The following MADD variants were observed in gnomAD, a reference collection of about 807,000 sequenced individuals.
MADD encodes the protein MAP kinase activating death domain, also known as MAP kinase-activating death domain protein.
Under a neutral mutation model 176.7 loss-of-function variants are expected in MADD, and 109 were observed. That is an observed-to-expected ratio of 0.62 (90% confidence interval 0.53 to 0.72). The LOEUF (loss-of-function observed/expected upper bound fraction) is 0.72, where lower values mean the gene tolerates loss of function less well. Among genes scored for constraint, MADD ranks in the 30% least tolerant of loss-of-function variants. The pLI is 0.00. For synonymous variants in MADD, 771 were observed against 771.3 expected (o/e 1.00, Z 0.01); for missense variants, 1,914 against 2,045.5 (o/e 0.94, Z 1.24).
chr11:47,328,197 T>G (rs2142582905), intron 31 of MADD: 1 of 1,066,098 alleles, frequency 9.4e-7, no homozygotes, highest in East Asian at 7.6e-5. Context: ...GGAACTGTGT[T>G]TAACATGACC....
chr11:47,284,627 G>A, intron 12 of MADD, 62 bp downstream of exon 12: 2 of 1,560,560 alleles, frequency 1.3e-6, no homozygotes, highest in South Asian at 2.3e-5. Context: ...CATCTATTAG[G>A]AAAGCCAGGC....
At chr11:47,291,922 C>T (rs944696340) in intron 19 of MADD, among the ~76,000 whole-genome samples, 3 of 152,188 alleles carry the variant, frequency 2.0e-5, no homozygotes, top group Non-Finnish European at 4.4e-5. Flanking sequence ...TTTATGTTCT[C>T]TGTCACCTCA....
At chr11:47,273,788 C>A in intron 1 of MADD, 39 bp from the exon 2 acceptor site, 2 of 746,576 alleles carry the variant, frequency 2.7e-6, no homozygotes, top group Non-Finnish European at 2.3e-6. Context: ...GTCCCTTAGG[C>A]ACAGCAGTGG....
chr11:47,302,722 TTTAA>T (rs896361206), intron 22 of MADD, among the ~76,000 whole-genome samples: 93 of 152,286 alleles, frequency 6.1e-4, no homozygotes, highest in African/African-American at 1.9e-3. Context: ...GTCTACCCCT[TTTAA>T]GTGAGGGAAT....
chr11:47,274,940 C>G (rs2048335615), exon 3 of MADD: 1 of 1,613,920 alleles, frequency 6.2e-7, no homozygotes, highest in Non-Finnish European at 8.5e-7. Context: ...CCTCTCAGTG[C>G]TGACTCTACC....
intron 9 of MADD, 94 bp from the exon 10 acceptor site, chr11:47,282,719 G>T (rs945442888): frequency 4.4e-6 from 7 of 1,589,986 alleles, no homozygotes; most frequent in Non-Finnish European, 6.0e-6. Context: ...TTCTATCCTG[G>T]CTCTGCTTTA....
chr11:47,323,337 G>A (rs1409395398), intron 27 of MADD, among the ~76,000 whole-genome samples: 1 of 151,584 alleles, frequency 6.6e-6, no homozygotes, highest in African/African-American at 2.4e-5. Context: ...GGTCGAGGCT[G>A]CAGTGAGCTG....
intron 19 of MADD, 137 bp from the exon 22 acceptor site, chr11:47,293,746 A>T: frequency 3.3e-6 from 2 of 614,972 alleles, no homozygotes; most frequent in Non-Finnish European, 5.9e-6. Context: ...GTGGGTCCTG[A>T]GTGGGGGGTA....
At chr11:47,276,954 C>T (rs977488847) in intron 5 of MADD, 91 bp downstream of exon 5, 3 of 1,434,238 alleles carry the variant, frequency 2.1e-6, no homozygotes, top group Non-Finnish European at 9.6e-7. Context: ...GAGTGCTGGT[C>T]CTCAATCCTT....
intron 31 of MADD, 170 bp from the exon 36 acceptor site, chr11:47,328,488 C>G: frequency 6.7e-7 from 1 of 1,484,330 alleles, no homozygotes; most frequent in Admixed American, 2.2e-5. Flanking sequence ...AGAGTCTGGA[C>G]AGAGCCTCTG....
exon 26 of MADD, chr11:47,311,781 C>G: frequency 6.2e-7 from 1 of 1,614,002 alleles, no homozygotes; most frequent in Non-Finnish European, 8.5e-7. Context: ...ATGGGAAAGT[C>G]GCACATTGGG....
intron 27 of MADD, among the ~76,000 whole-genome samples, chr11:47,316,859 T>G (rs1451404603): frequency 6.6e-6 from 1 of 152,070 alleles, no homozygotes; most frequent in Non-Finnish European, 1.5e-5. Context: ...TTCTCCTGCC[T>G]CAGCTGCCTG....
At position 47,275,084 on chromosome 11, in the gene MADD, C is replaced by A. The variant is rs750444984; in HGVS notation, c.584C>A (p.Thr195Asn). Residue 195 changes from threonine to asparagine, a missense_variant, in exon 3 of 33, where the codon ACT becomes AAT. This residue lies in a region of MADD where 1,767 missense variants were observed against 1,836.0 expected (regional missense o/e 0.96). Coordinates refer to ENST00000402192, the Ensembl canonical transcript of MADD. ...TCCACCTTCCGAGAGTGTTTGTATACTCTCAAGCGCCTGGTGGACTGCTGT... is the reference window on the plus strand; with the variant it reads ...TCCACCTTCCGAGAGTGTTTGTATAATCTCAAGCGCCTGGTGGACTGCTGT... 5.6e-6 allele frequency: 9 copies of A among 1,614,136 alleles called. No homozygotes were observed. Among genetic ancestry groups the A allele is most frequent in the Admixed American group, 5.0e-5 (3 of 60,012 alleles).
chr11:47,276,669 G>A, intron 4 of MADD, 63 bp from the exon 5 acceptor site: 1 of 1,581,894 alleles, frequency 6.3e-7, no homozygotes, highest in Non-Finnish European at 8.6e-7. Flanking sequence ...AATGTTGGAA[G>A]CTGTTTTCTT....
At chr11:47,329,405 G>A (rs1036500727) in exon 33 of MADD, 1 of 521,376 alleles carries the variant, frequency 1.9e-6, no homozygotes, top group South Asian at 2.3e-5. Flanking sequence ...CAGTCTGTGG[G>A]GCCGGTGTGA....
In MADD at chr11:47,281,994, C is replaced by T. The variant is rs189942646; in HGVS notation, c.1469+241C>T. Among the ~76,000 whole-genome samples the T allele has an allele frequency of 9.2e-3, 1,396 of 152,008 alleles. 22 individuals carry two copies. The highest frequency in any genetic ancestry group is 0.032 in the African/African-American group (1,318 of 41,420). The stretch of plus-strand genomic sequence containing the variant: ...GGATTACAGGCGCCTGCCACCACGC[C>T]TGGCTAATTTTTACATTTTTAGTAG... On this transcript the variant is annotated intron_variant, in intron 8 of 32. Transcript: ENST00000402192.
At chr11:47,297,789 C>CTTTTT (rs35063043) in intron 22 of MADD, among the ~76,000 whole-genome samples, 12 of 113,386 alleles carry the variant, frequency 1.1e-4, no homozygotes, top group African/African-American at 3.4e-4. Flanking sequence ...TTCTTTCTTT[C>CTTTTT]TTTTTTTTTT....
intron 31 of MADD, chr11:47,327,208 G>T: frequency 1.0e-6 from 1 of 1,004,256 alleles, no homozygotes. Flanking sequence ...CAGCCTCCCT[G>T]GCGCCGCTCT....
chr11:47,316,931 A>G (rs1332418304), intron 27 of MADD, among the ~76,000 whole-genome samples: 1 of 151,934 alleles, frequency 6.6e-6, no homozygotes, highest in Non-Finnish European at 1.5e-5. Context: ...TTTAGTAGAG[A>G]CGGGGCTTCA....
Sources: gnomAD v4.1 joint callset for allele counts (sites outside exome capture counted in the v4.1 genomes callset) on GRCh38, gnomAD v4.1.1 for gene constraint, gnomAD v4.1.1 regional missense constraint, MANE v1.5 for transcripts, NCBI Gene and HGNC (gene_info 2026-07-23, HGNC 2026-07-21) for gene names.